Variants in LFNG observed in about 807,000 individuals in gnomAD.
The protein encoded by LFNG is LFNG O-fucosylpeptide 3-beta-N-acetylglucosaminyltransferase, also known as beta-1,3-N-acetylglucosaminyltransferase lunatic fringe.
In LFNG, 15 loss-of-function variants were observed where a neutral mutation model predicts 32.7. The ratio of observed to expected loss-of-function variants is 0.46; its 90% CI spans 0.31 to 0.71. The LOEUF (loss-of-function observed/expected upper bound fraction) is 0.71. LFNG is among the 30% of genes least tolerant of loss of function. The pLI, the probability that LFNG is intolerant of heterozygous loss-of-function variation, is 0.06. For synonymous variants in LFNG, 274 were observed against 246.8 expected (o/e 1.11, Z -1.03); for missense variants, 520 against 545.7 (o/e 0.95, Z 0.47).
chr7:2,525,009 G>A (rs1362847732), intron 2 of LFNG, among the ~76,000 whole-genome samples: 3 of 152,262 alleles, frequency 2.0e-5, no homozygotes, highest in African/African-American at 7.2e-5. Context: ...CTGCCTGAAT[G>A]GGCGGGGGCG....
downstream of LFNG, chr7:2,528,785 T>C: frequency 1.5e-6 from 1 of 653,608 alleles, no homozygotes; most frequent in Non-Finnish European, 2.8e-6. Context: ...GGAGGGACAG[T>C]GACTCCTGTG....
upstream of LFNG, among the ~76,000 whole-genome samples, chr7:2,516,680 G>C (rs1179240810): frequency 6.6e-6 from 1 of 152,216 alleles, no homozygotes; most frequent in African/African-American, 2.4e-5. Context: ...CAGCAGGCAG[G>C]TCTCTCGGGC....
In LFNG at chr7:2,526,409, G is replaced by A. The variant is rs1779976779; in HGVS notation, c.987G>A (p.Gln329=). Residue 329 remains glutamine (Q), a splice_region_variant and synonymous_variant, in exon 6 of 8, where the codon CAG becomes CAA. Transcript: ENST00000222725. The surrounding 1 kb of genome is among the most constrained non-coding windows in gnomAD (Gnocchi z 6.9). ...QQVPTSELHE[Q]VTLSYGMFEN... is the part of the protein sequence containing the mutation. ...TGCCCACCTCGGAGCTCCACGAGCA[G>A]GTGCACCATCCTCCGGGCCCCGCCA... 6.2e-7 allele frequency: 1 copy of A among 1,606,946 alleles called. No individual in the cohort carries two copies. Among genetic ancestry groups the A allele is most frequent in the Admixed American group, 1.7e-5 (1 of 60,002 alleles).
intron 1 of LFNG, among the ~76,000 whole-genome samples, chr7:2,524,379 G>A (rs1414484196): frequency 1.3e-5 from 2 of 152,310 alleles, no homozygotes; most frequent in South Asian, 2.1e-4. Flanking sequence ...CCTGGCGGGC[G>A]GGCGAGGCGC....
Position 2,525,258 on chromosome 7 carries a change from G to A in LFNG, c.521G>A (p.Arg174His), listed in dbSNP as rs771675182. 15 of 1,612,834 alleles carry A rather than the reference G, an allele frequency of 9.3e-6. No homozygotes were observed. Among genetic ancestry groups the A allele is most frequent in the East Asian group, 4.5e-5 (2 of 44,896 alleles). ...ACAAACTGCTCGGCCGCCCACAGCC[G>A]CCAGGCGCTGTCCTGCAAGATGGCC... ...VITNCSAAHS[R>H]QALSCKMAVE... Residue 174 changes from arginine (R) to histidine (H), a missense_variant, in exon 3 of 8, where the codon CGC becomes CAC. Coordinates refer to ENST00000222725, the MANE Select transcript of LFNG (RefSeq NM_001040167.2).
chr7:2,518,324 T>A (rs1253978166), upstream of LFNG, among the ~76,000 whole-genome samples: 1 of 152,066 alleles, frequency 6.6e-6, no homozygotes, highest in African/African-American at 2.4e-5. Context: ...GGCATCTGCT[T>A]TCGGAGGTGG....
upstream of LFNG, among the ~76,000 whole-genome samples, chr7:2,517,050 G>C (rs1273602630): frequency 1.3e-5 from 2 of 152,136 alleles, no homozygotes; most frequent in Non-Finnish European, 2.9e-5. Context: ...CCTTTGTCCT[G>C]TCCAGGGCTG....
chr7:2,516,576 G>A (rs1562549576), upstream of LFNG, among the ~76,000 whole-genome samples: 1 of 152,254 alleles, frequency 6.6e-6, no homozygotes, highest in Non-Finnish European at 1.5e-5. Flanking sequence ...GATGGGGACA[G>A]AACACTGTCT....
chr7:2,517,752 C>A (rs74504413), upstream of LFNG: 1 of 646,046 alleles, frequency 1.5e-6, no homozygotes, highest in South Asian at 1.5e-5. Flanking sequence ...CTTGGCCATG[C>A]TTGGCTGCAG....
At position 2,519,846 on chromosome 7, in the gene LFNG, C is replaced by G; in HGVS notation, c.-16C>G. On this transcript the variant is annotated 5_prime_UTR_variant, in exon 1 of 8. Transcript: ENST00000222725. ...GGCGCACGGGGAAGGGCGCGCCGCG[C>G]GGCCGCCACCCCACCATGCTCAAGC... 9.3e-7 allele frequency: 1 copy of G among 1,078,358 alleles called. No individual in the cohort carries two copies. Among genetic ancestry groups the G allele is most frequent in the Non-Finnish European group, 1.1e-6 (1 of 890,866 alleles). 66.8% of individuals were successfully genotyped at this position (1,078,358 alleles called of 1,614,324 possible).
chr7:2,525,121 G>T, intron 2 of LFNG, 98 bp from the exon 3 acceptor site: 3 of 1,065,742 alleles, frequency 2.8e-6, no homozygotes, highest in South Asian at 1.3e-5. Flanking sequence ...TGAACTAGGG[G>T]GCTTTTCTCG....
Position 2,526,085 on chromosome 7 carries a change from C to T in LFNG, c.822-159C>T, listed in dbSNP as rs1779960934. ...ACAGGAGCTGTGCAGGGAGTGTGCC[C>T]TGGCTGTGGCCAGGGGAGGCAGAGG... On this transcript the variant is annotated intron_variant, in intron 5 of 7. Coordinates refer to ENST00000222725, the MANE Select transcript of LFNG (RefSeq NM_001040167.2). The surrounding 1 kb of genome is among the most constrained non-coding windows in gnomAD (Gnocchi z 6.9). Among the ~76,000 whole-genome samples the T allele has an allele frequency of 6.6e-6, 1 of 152,090 alleles. No homozygotes were observed. The highest frequency in any genetic ancestry group is 2.1e-4 in the South Asian group (1 of 4,830).
rs1194730171 is a variant in LFNG at position 2,520,172 on chromosome 7, G to A, written c.311G>A (p.Arg104His). Residue 104 changes from arginine (R) to histidine (H), a missense_variant, in exon 1 of 8, where the codon CGC becomes CAC. Coordinates refer to ENST00000222725, the MANE Select transcript of LFNG (RefSeq NM_001040167.2). The surrounding 1 kb of genome is among the most constrained non-coding windows in gnomAD (Gnocchi z 5.0). ...CCCCGCCCCGCCGACGGCCACCCGC[G>A]CCCCCTGGCCGAGCCGCTCGCGCCC... The part of the protein sequence containing the change: ...AAPRPADGHP[R>H]PLAEPLAPRD... The A allele has an allele frequency of 9.2e-6, 14 of 1,529,156 alleles. No individual in the cohort carries two copies. The highest frequency in any genetic ancestry group is 1.2e-5 in the Non-Finnish European group (14 of 1,139,328). 94.7% of individuals were successfully genotyped at this position (1,529,156 alleles called of 1,614,324 possible). A position where few individuals can be genotyped will look rare whatever the true frequency, so the allele number is the denominator to read the frequency against.
chr7:2,515,458 G>A (rs544084218), upstream of LFNG, among the ~76,000 whole-genome samples: 15 of 152,302 alleles, frequency 9.8e-5, no homozygotes, highest in South Asian at 1.4e-3. Flanking sequence ...TGGGGAGGAC[G>A]TTCTAGGAGG....
rs370310716 is a variant in LFNG at position 2,520,966 on chromosome 7, C to G, written c.432+673C>G. Among the ~76,000 whole-genome samples, 1 of 152,204 alleles carries G rather than the reference C, an allele frequency of 6.6e-6. No individual in the cohort carries two copies. Among genetic ancestry groups the G allele is most frequent in the South Asian group, 2.1e-4 (1 of 4,832 alleles). ...GACACACCCCACTTTGAACATTTCC[C>G]TCGAGGCCACAGCAGGACGGTTGGG... On this transcript the variant is annotated intron_variant, in intron 1 of 7. Transcript: ENST00000222725. The surrounding 1 kb of genome is among the most constrained non-coding windows in gnomAD (Gnocchi z 5.0).
intron 1 of LFNG, chr7:2,512,802 T>G (rs1351952953): frequency 2.0e-6 from 2 of 1,002,770 alleles, no homozygotes; most frequent in Non-Finnish European, 3.1e-6. Context: ...ACCCCTGCAT[T>G]CTACACCTAG....
upstream of LFNG, among the ~76,000 whole-genome samples, chr7:2,514,568 A>G (rs567491889): frequency 8.6e-5 from 13 of 150,922 alleles, no homozygotes; most frequent in Non-Finnish European, 1.9e-4. Flanking sequence ...CCATCCATCC[A>G]TCTATCCATC....
At position 2,525,630 on chromosome 7, in the gene LFNG, G is replaced by C. The variant is rs367966234; in HGVS notation, c.736-55G>C. On this transcript the variant is annotated intron_variant, in intron 4 of 7. Coordinates refer to ENST00000222725, the MANE Select transcript of LFNG (RefSeq NM_001040167.2). ...GGAGCGCACACCCGGAGTGGGGGTG[G>C]GACCGTGAGGGGCAGCAGCGCCTGG... is the stretch of plus-strand genomic sequence containing the variant. 6.1e-4 allele frequency: 991 copies of C among 1,611,742 alleles called. 19 individuals carry two copies. Among genetic ancestry groups the C allele is most frequent in the African/African-American group, 3.3e-3 (251 of 75,048 alleles).
At chr7:2,525,622 TG>T in intron 4 of LFNG, 55 bp downstream of exon 4, 1 of 1,611,614 alleles carries the variant, frequency 6.2e-7, no homozygotes, top group East Asian at 2.2e-5. Context: ...ACACCCGGAG[TG>T]GGGGTGGGAC....
Sources: allele counts gnomAD v4.1 joint callset (sites outside exome capture counted in the v4.1 genomes callset), GRCh38; gene constraint gnomAD v4.1.1; non-coding constraint Gnocchi (gnomAD v3.1); transcripts MANE v1.5; gene names NCBI Gene and HGNC (gene_info 2026-07-23, HGNC 2026-07-21).